Variants in HECTD2 observed in about 807,000 individuals in gnomAD.
HECTD2 encodes probable E3 ubiquitin-protein ligase HECTD2.
Under a neutral mutation model 103.2 loss-of-function variants are expected in HECTD2, and 35 were observed. That is an observed-to-expected ratio of 0.34 (90% CI 0.26 to 0.45). The LOEUF is 0.45. Among genes scored for constraint, HECTD2 ranks in the 20% least tolerant of loss-of-function variants. The pLI, the probability that HECTD2 is intolerant of heterozygous loss-of-function variation, is 1.00. For synonymous variants in HECTD2, 281 were observed against 329.9 expected (o/e 0.85, Z 1.61); for missense variants, 596 against 937.4 (o/e 0.64, Z 4.76).
intron 2 of HECTD2, among the ~76,000 whole-genome samples, chr10:91,427,138 A>G (rs1345208647): frequency 6.6e-6 from 1 of 150,812 alleles, no homozygotes; most frequent in African/African-American, 2.4e-5. Flanking sequence ...ACTGAGAATG[A>G]TGATTTCCAA....
chr10:91,458,922 G>A (rs987415799), intron 2 of HECTD2, among the ~76,000 whole-genome samples: 2 of 151,970 alleles, frequency 1.3e-5, no homozygotes, highest in African/African-American at 2.4e-5. Flanking sequence ...GAAAGACCCT[G>A]TGCAGAGGAT....
chr10:91,488,646 A>G (rs1175234259), intron 11 of HECTD2: 1 of 152,162 alleles, frequency 6.6e-6, no homozygotes, highest in African/African-American at 2.4e-5. Context: ...TAAAGCATAA[A>G]TTGTAATACT....
chr10:91,467,020 T>A (rs948457601), intron 5 of HECTD2, among the ~76,000 whole-genome samples: 1 of 151,642 alleles, frequency 6.6e-6, no homozygotes, highest in Non-Finnish European at 1.5e-5. Context: ...TCCAAGCAGA[T>A]CTTCAGAGGG....
chr10:91,468,594 A>C (rs1845612950), intron 5 of HECTD2, among the ~76,000 whole-genome samples: 1 of 152,236 alleles, frequency 6.6e-6, no homozygotes, highest in East Asian at 1.9e-4. Context: ...CAGAATATGG[A>C]TAGGAACAAA....
At chr10:91,502,395 T>C (rs191058870) in intron 20 of HECTD2, among the ~76,000 whole-genome samples, 229 of 152,338 alleles carry the variant, frequency 1.5e-3, no homozygotes, top group Non-Finnish European at 2.8e-3. Flanking sequence ...CAAAAGTCAT[T>C]ATGTATTGAG....
intron 2 of HECTD2, among the ~76,000 whole-genome samples, chr10:91,439,651 G>T (rs1844308762): frequency 6.6e-6 from 1 of 152,078 alleles, no homozygotes; most frequent in Non-Finnish European, 1.5e-5. Flanking sequence ...GGATAGCATT[G>T]AATCTATAAA....
chr10:91,496,632 A>G lies in HECTD2; in HGVS notation c.1680+260A>G, dbSNP rs115908906. ...TCACTTACTAGCTCTGTGAATTTGG[A>G]CAAGTTATTTAACCCTTCAATTTAG... On this transcript the variant is annotated intron_variant, in intron 15 of 20. Transcript: ENST00000298068. 2.0e-3 allele frequency among the ~76,000 whole-genome samples: 303 copies of G among 152,254 alleles called. 1 individual carries two copies. The highest frequency in any genetic ancestry group is 7.0e-3 in the African/African-American group (293 of 41,562).
intron 20 of HECTD2, among the ~76,000 whole-genome samples, chr10:91,506,339 G>A (rs1306012577): frequency 6.6e-6 from 1 of 151,552 alleles, no homozygotes; most frequent in Non-Finnish European, 1.5e-5. Flanking sequence ...CCAGGAGCTG[G>A]TTTTTTGAAA....
rs1564731125 is a variant in HECTD2 at position 91,487,602 on chromosome 10, AGGGGTAC to A, written c.1095-79_1095-73del. ...AAAAGTAATGTTTTATATTGCTACAAGGGGTACCTTAGATTCCCTTAGTATAATTTTG... is the reference window on the plus strand; with the variant it reads ...AAAAGTAATGTTTTATATTGCTACAACTTAGATTCCCTTAGTATAATTTTG... On this transcript the variant is annotated intron_variant, in intron 10 of 20. Transcript: ENST00000298068. This position sits in a 1 kb window ranked among gnomAD's most constrained non-coding sequence, Gnocchi z 4.1. 2.4e-6 allele frequency: 2 copies of A among 844,764 alleles called. No individual in the cohort carries two copies. Among genetic ancestry groups the A allele is most frequent in the Non-Finnish European group, 4.2e-6 (2 of 478,966 alleles). 52.3% of individuals were successfully genotyped at this position (844,764 alleles called of 1,614,324 possible).
chr10:91,445,827 T>TG (rs1844584706), intron 2 of HECTD2, among the ~76,000 whole-genome samples: 1 of 152,114 alleles, frequency 6.6e-6, no homozygotes, highest in Non-Finnish European at 1.5e-5. Context: ...TGAGAGACTG[T>TG]GCCCTGAGGA....
At chr10:91,482,889 C>T (rs183565282) in intron 7 of HECTD2, 78 bp from the exon 8 acceptor site, 15 of 591,918 alleles carry the variant, frequency 2.5e-5, no homozygotes, top group African/African-American at 1.7e-4. Context: ...GAATTTACCA[C>T]GTACTTATTA....
At chr10:91,480,736 T>A (rs111989228) in intron 6 of HECTD2, among the ~76,000 whole-genome samples, 306 of 152,236 alleles carry the variant, frequency 2.0e-3, no homozygotes, top group African/African-American at 6.7e-3. Context: ...ATTTTCTTTC[T>A]TTAATACATA....
intron 5 of HECTD2, among the ~76,000 whole-genome samples, chr10:91,477,187 CAA>C (rs1350626797): frequency 6.0e-5 from 4 of 66,498 alleles, no homozygotes; most frequent in Non-Finnish European, 6.3e-5. Flanking sequence ...GACTCCGTCT[CAA>C]AAAAAAAAAA....
chr10:91,443,587 C>T (rs544722619), intron 2 of HECTD2, among the ~76,000 whole-genome samples: 30 of 152,266 alleles, frequency 2.0e-4, no homozygotes, highest in African/African-American at 7.0e-4. Flanking sequence ...GGCAGTCTGT[C>T]CCTTAGCAGA....
At chr10:91,455,005 T>C (rs12247442) in intron 2 of HECTD2, among the ~76,000 whole-genome samples, 30,530 of 152,128 alleles carry the variant, frequency 0.2, 7,287 homozygotes, top group African/African-American at 0.58. Context: ...GTCTTAGCTA[T>C]TGTGAATAGT....
chr10:91,411,215 G>A (rs1842905760), intron 1 of HECTD2, among the ~76,000 whole-genome samples: 1 of 152,130 alleles, frequency 6.6e-6, no homozygotes, highest in South Asian at 2.1e-4. Flanking sequence ...TGATTTCCCA[G>A]CTGTATCTTC....
At chr10:91,491,360 A>G in intron 12 of HECTD2, 53 bp downstream of exon 12, 2 of 827,184 alleles carry the variant, frequency 2.4e-6, no homozygotes, top group South Asian at 1.7e-5. Flanking sequence ...CTATAATATG[A>G]TTATTATAAA....
chr10:91,430,112 A>T (rs1301767614), intron 2 of HECTD2, among the ~76,000 whole-genome samples: 1 of 152,124 alleles, frequency 6.6e-6, no homozygotes, highest in Non-Finnish European at 1.5e-5. Flanking sequence ...GAACATCTTT[A>T]TTTCTGCCTT....
At chr10:91,476,995 A>C (rs188310874) in intron 5 of HECTD2, among the ~76,000 whole-genome samples, 3,234 of 151,556 alleles carry the variant, frequency 0.021, 46 homozygotes, top group Middle Eastern at 0.045. Flanking sequence ...CCTGGCTAAC[A>C]AGGTGAAACC....
Sources: gnomAD v4.1 joint callset for allele counts (sites outside exome capture counted in the v4.1 genomes callset) on GRCh38, gnomAD v4.1.1 for gene constraint, Gnocchi (gnomAD v3.1) non-coding constraint, MANE v1.5 for transcripts, NCBI Gene and HGNC (gene_info 2026-07-23, HGNC 2026-07-21) for gene names.